PPP2R2B: variants seen among roughly 807,000 people sequenced by gnomAD.
The protein encoded by PPP2R2B is protein phosphatase 2 regulatory subunit Bbeta.
In PPP2R2B, 5 loss-of-function variants were observed where a neutral mutation model predicts 46.0. That is an observed-to-expected ratio of 0.11 (90% CI 0.06 to 0.23). The LOEUF (loss-of-function observed/expected upper bound fraction) is 0.23. Among genes scored for constraint, PPP2R2B ranks in the 10% least tolerant of loss-of-function variants. PPP2R2B has a pLI of 1.00. For missense variants in PPP2R2B, 367 were observed against 575.0 expected, an observed-to-expected ratio of 0.64 and a Z score of 3.70; for synonymous variants, 215 against 206.7, an observed-to-expected ratio of 1.04 and a Z score of -0.34.
chr5:146,593,068 G>A lies in PPP2R2B; in HGVS notation c.961-6C>T. 1.2e-6 allele frequency: 2 copies of A among 1,602,356 alleles called. No individual in the cohort carries two copies. Among genetic ancestry groups the A allele is most frequent in the East Asian group, 2.2e-5 (1 of 44,818 alleles). On this transcript the variant is annotated splice_polypyrimidine_tract_variant and splice_region_variant and intron_variant, in intron 8 of 9. Transcript: ENST00000394411. ...CTGCGGAGGTAGTCATGAACCTGGA[G>A]AGGAAACATATCGAGAAGGTCAGTT...
At chr5:146,819,018 A>G (rs1167008484) in intron 2 of PPP2R2B, among the ~76,000 whole-genome samples, 1 of 152,194 alleles carries the variant, frequency 6.6e-6, no homozygotes, top group Non-Finnish European at 1.5e-5. Context: ...GCATTTGAAA[A>G]TCAAACATTC....
intron 2 of PPP2R2B, among the ~76,000 whole-genome samples, chr5:147,079,110 C>T (rs1219416256): frequency 6.6e-6 from 1 of 151,858 alleles, no homozygotes; most frequent in African/African-American, 2.4e-5. Flanking sequence ...TTCTATCTGT[C>T]TTCATAGGGG....
intron 5 of PPP2R2B, among the ~76,000 whole-genome samples, chr5:146,671,570 C>T (rs760276009): frequency 6.6e-6 from 1 of 152,194 alleles, no homozygotes; most frequent in South Asian, 2.1e-4. Context: ...CTGTGTGCCA[C>T]TCCATCAAAC....
chr5:146,740,991 C>T (rs372453445), intron 2 of PPP2R2B, among the ~76,000 whole-genome samples: 15 of 149,584 alleles, frequency 1.0e-4, no homozygotes, highest in South Asian at 2.1e-4. Flanking sequence ...GAGCTGAGAT[C>T]GTGCCACCGC....
intron 2 of PPP2R2B, among the ~76,000 whole-genome samples, chr5:146,724,327 G>A (rs73320067): frequency 0.025 from 3,689 of 149,054 alleles, 162 homozygotes; most frequent in African/African-American, 0.087. Context: ...TTTTTTTTTT[G>A]AGGGTTACAT....
Position 146,584,637 on chromosome 5 carries a change from G to T in PPP2R2B, c.*5310C>A, listed in dbSNP as rs1770049307. 1 of 152,184 alleles carries T rather than the reference G, an allele frequency of 6.6e-6. No individual in the cohort carries two copies. The highest frequency in any genetic ancestry group is 1.5e-5 in the Non-Finnish European group (1 of 68,034). The allele number at this position is 152,184 out of a possible 1,614,324, so 9.4% of individuals were successfully genotyped here. A position where few individuals can be genotyped will look rare whatever the true frequency, so the allele number is the denominator to read the frequency against. The stretch of plus-strand genomic sequence containing the variant: ...GTGATTAACAATGATTTAAAACAGT[G>T]CCTCTCCCAATGCCTGTCATTGCAA... On this transcript the variant is annotated 3_prime_UTR_variant, in exon 10 of 10. Transcript: ENST00000394411.
intron 2 of PPP2R2B, among the ~76,000 whole-genome samples, chr5:146,788,784 T>A (rs2151291733): frequency 6.6e-6 from 1 of 152,222 alleles, no homozygotes; most frequent in Middle Eastern, 3.4e-3. Flanking sequence ...AATATAATCC[T>A]TTGGGTTACA....
rs1278615508 is a variant in PPP2R2B, at chr5:146,588,498, A to AGTT, written c.*1446_*1448dup. The AGTT allele has an allele frequency of 6.8e-6, 1 of 147,400 alleles. No individual in the cohort carries two copies. Among genetic ancestry groups the AGTT allele is most frequent in the Non-Finnish European group, 1.5e-5 (1 of 64,786 alleles). 9.1% of individuals were successfully genotyped at this position (147,400 alleles called of 1,614,324 possible). A position where few individuals can be genotyped will look rare whatever the true frequency, so the allele number is the denominator to read the frequency against. ...AACCATTTACCCTGCACTAAATGGG[A>AGTT]GTTAGGAGAAATGAGTCATCAAGAC... is the stretch of plus-strand genomic sequence containing the variant. On this transcript the variant is annotated 3_prime_UTR_variant, in exon 10 of 10. Transcript: ENST00000394411.
At chr5:146,959,305 G>A (rs1201638253) in intron 1 of PPP2R2B, among the ~76,000 whole-genome samples, 1 of 152,142 alleles carries the variant, frequency 6.6e-6, no homozygotes, top group Non-Finnish European at 1.5e-5. Context: ...CTGAGTGCCT[G>A]AAGCTTCAGG....
rs1770282800 is a variant in PPP2R2B, at chr5:146,588,447, C to T, written c.*1500G>A. On this transcript the variant is annotated 3_prime_UTR_variant, in exon 10 of 10. Transcript: ENST00000394411. ...CATCTGTAAACTGAAAGAAAATTTC[C>T]CTTTCATTGAAAAACTCTCATCTCA... 1 of 152,084 alleles carries T rather than the reference C, an allele frequency of 6.6e-6. No individual in the cohort carries two copies. The highest frequency in any genetic ancestry group is 6.5e-5 in the Admixed American group (1 of 15,274). The allele number at this position is 152,084 out of a possible 1,614,324, so 9.4% of individuals were successfully genotyped here.
chr5:146,745,197 A>T (rs961697983), intron 2 of PPP2R2B, among the ~76,000 whole-genome samples: 14 of 133,152 alleles, frequency 1.1e-4, no homozygotes, highest in African/African-American at 3.0e-4. Context: ...AGAGAGAGAG[A>T]GAGAGAGAGA....
At chr5:147,064,906 A>G (rs377236116) in intron 2 of PPP2R2B, among the ~76,000 whole-genome samples, 104 of 152,304 alleles carry the variant, frequency 6.8e-4, no homozygotes, top group African/African-American at 2.4e-3. Flanking sequence ...CAGTAGAATG[A>G]ATTTTCTTGG....
chr5:146,979,908 C>G (rs1753088843), intron 1 of PPP2R2B, among the ~76,000 whole-genome samples: 1 of 152,100 alleles, frequency 6.6e-6, no homozygotes, highest in South Asian at 2.1e-4. Flanking sequence ...AACTGAAACT[C>G]CAGAGAGCAA....
At chr5:146,690,808 G>T (rs535039143) in intron 5 of PPP2R2B, among the ~76,000 whole-genome samples, 9 of 152,328 alleles carry the variant, frequency 5.9e-5, no homozygotes, top group Non-Finnish European at 1.2e-4. Context: ...TCTCATCCCT[G>T]TACCTTCAGT....
intron 7 of PPP2R2B, among the ~76,000 whole-genome samples, chr5:146,607,527 T>C (rs776929953): frequency 8.2e-4 from 125 of 152,348 alleles, no homozygotes; most frequent in Admixed American, 2.0e-3. Context: ...CATAGCGTGA[T>C]GAAGAATGAA....
At chr5:146,981,841 A>G (rs989154472) in intron 1 of PPP2R2B, among the ~76,000 whole-genome samples, 1 of 152,234 alleles carries the variant, frequency 6.6e-6, no homozygotes, top group Non-Finnish European at 1.5e-5. Context: ...ATTGAGAGAT[A>G]CAATATACAA....
At chr5:147,053,138 A>G (rs1176521601) in intron 1 of PPP2R2B, among the ~76,000 whole-genome samples, 1 of 151,900 alleles carries the variant, frequency 6.6e-6, no homozygotes, top group Non-Finnish European at 1.5e-5. Flanking sequence ...AGCCTCAGAG[A>G]GGTTAAATAA....
rs1292193889 is a variant in PPP2R2B at position 146,842,476 on chromosome 5, A to T, written c.70+35526T>A. On this transcript the variant is annotated intron_variant, in intron 2 of 9. Coordinates refer to ENST00000394411, the MANE Select transcript of PPP2R2B (RefSeq NM_181675.4). ...AGACATACTTCAAAAAAATACCTCC[A>T]TGCCCTTTTTTTTTTTTTTTTTTAA... is the stretch of plus-strand genomic sequence containing the variant. 2.8e-5 allele frequency among the ~76,000 whole-genome samples: 4 copies of T among 142,206 alleles called. No individual in the cohort carries two copies. The East Asian group carries it at 8.2e-4, about 29-fold the overall frequency. 93.3% of individuals were successfully genotyped at this position (142,206 alleles called of 152,430 possible). A position where few individuals can be genotyped will look rare whatever the true frequency, so the allele number is the denominator to read the frequency against.
At chr5:146,685,268 T>C (rs185146440) in intron 5 of PPP2R2B, among the ~76,000 whole-genome samples, 338 of 152,360 alleles carry the variant, frequency 2.2e-3, no homozygotes, top group Middle Eastern at 6.8e-3. Flanking sequence ...CTTTGCTGTT[T>C]ACTATTTGCA....
Sources: gnomAD v4.1 joint callset for allele counts (sites outside exome capture counted in the v4.1 genomes callset) on GRCh38, gnomAD v4.1.1 for gene constraint, MANE v1.5 for transcripts, NCBI Gene and HGNC (gene_info 2026-07-23, HGNC 2026-07-21) for gene names.